The following ANKRD6 variants were observed in gnomAD, a reference collection of about 807,000 sequenced individuals.
The protein encoded by ANKRD6 is ankyrin repeat domain-containing protein 6.
In ANKRD6, 56 loss-of-function variants were observed where a neutral mutation model predicts 82.3. That is an observed-to-expected ratio of 0.68 (90% CI 0.55 to 0.85). The LOEUF (loss-of-function observed/expected upper bound fraction) is 0.85, where lower values mean the gene tolerates loss of function less well. ANKRD6 is among the 40% of genes least tolerant of loss of function. The pLI, the probability that ANKRD6 is intolerant of heterozygous loss-of-function variation, is 0.00. For synonymous variants in ANKRD6, 347 were observed against 352.1 expected, an observed-to-expected ratio of 0.99 and a Z score of 0.16; for missense variants, 852 against 907.6, an observed-to-expected ratio of 0.94 and a Z score of 0.79.
At chr6:89,596,125 A>G in intron 3 of ANKRD6, 111 bp downstream of exon 3, 1 of 904,536 alleles carries the variant, frequency 1.1e-6, no homozygotes, top group South Asian at 1.5e-5. Context: ...CTCTCGCAGC[A>G]CATTTTAGCT....
At position 89,567,037 on chromosome 6, in the gene ANKRD6, G is replaced by A. The variant is rs768903490; in HGVS notation, c.61G>A (p.Gly21Ser). 1 of 1,607,616 alleles carries A rather than the reference G, an allele frequency of 6.2e-7. No homozygotes were observed. Residue 21 changes from glycine (G) to serine (S), a missense_variant, in exon 2 of 16, where the codon GGC becomes AGC. Coordinates refer to ENST00000339746, the MANE Select transcript of ANKRD6 (RefSeq NM_001242809.2). The stretch of plus-strand genomic sequence containing the variant: ...GCGCCTTCTCGTAGCTGCGTACAAA[G>A]GCCAAACAGAGAATGTGGTTCAGCT... ...SERLLVAAYK[G>S]QTENVVQLIN...
chr6:89,614,010 C>A, intron 7 of ANKRD6, 120 bp downstream of exon 7: 1 of 967,126 alleles, frequency 1.0e-6, no homozygotes, highest in Non-Finnish European at 1.5e-6. Flanking sequence ...CTACCTGGGA[C>A]TCAGCCAGCA....
At chr6:89,553,875 G>T (rs920345006) in intron 1 of ANKRD6, among the ~76,000 whole-genome samples, 1 of 152,202 alleles carries the variant, frequency 6.6e-6, no homozygotes, top group Admixed American at 6.5e-5. Flanking sequence ...ATTGTATGAA[G>T]GATATGTAGC....
At chr6:89,484,705 T>G (rs1777174521) in intron 1 of ANKRD6, among the ~76,000 whole-genome samples, 1 of 152,244 alleles carries the variant, frequency 6.6e-6, no homozygotes, top group East Asian at 1.9e-4. Context: ...AATAGAATTA[T>G]GTTTACATTC....
At chr6:89,498,528 T>A (rs6454757) in intron 1 of ANKRD6, among the ~76,000 whole-genome samples, 47,163 of 149,338 alleles carry the variant, frequency 0.32, 8,247 homozygotes, top group South Asian at 0.49. Context: ...ATATATATAT[T>A]TTTTTTTACC....
At chr6:89,459,164 C>T (rs977510875) in intron 1 of ANKRD6, among the ~76,000 whole-genome samples, 2 of 152,068 alleles carry the variant, frequency 1.3e-5, no homozygotes, top group African/African-American at 4.8e-5. Context: ...CTGCAACCTC[C>T]GTCTCCTGGG....
At chr6:89,487,072 G>A (rs144235289) in intron 1 of ANKRD6, among the ~76,000 whole-genome samples, 2 of 152,260 alleles carry the variant, frequency 1.3e-5, no homozygotes, top group East Asian at 3.9e-4. Context: ...TGGACCCTGT[G>A]GGTTCATACC....
rs769317978 is a variant in ANKRD6 at position 89,632,964 on chromosome 6, A to T, written c.*1960A>T. The T allele has an allele frequency of 1.5e-4, 23 of 152,236 alleles. No homozygotes were observed. The highest frequency in any genetic ancestry group is 3.2e-4 in the Non-Finnish European group (22 of 68,040). The allele number at this position is 152,236 out of a possible 1,614,324, so 9.4% of individuals were successfully genotyped here. ...TTCACTTACCAAAATATCTCCTATT[A>T]CCTCAAGGTATCCTTGTTGAGGAAT... On this transcript the variant is annotated 3_prime_UTR_variant, in exon 16 of 16. Transcript: ENST00000339746.
At chr6:89,602,859 A>G (rs1298602919) in intron 3 of ANKRD6, 170 bp from the exon 4 acceptor site, 1 of 575,334 alleles carries the variant, frequency 1.7e-6, no homozygotes, top group Non-Finnish European at 3.1e-6. Context: ...GTTGTCTACT[A>G]ACAAGACCAC....
chr6:89,517,121 T>C (rs1781327867), intron 1 of ANKRD6, among the ~76,000 whole-genome samples: 1 of 152,192 alleles, frequency 6.6e-6, no homozygotes, highest in African/African-American at 2.4e-5. Context: ...CCTCCTGCCT[T>C]GACCTCTCAA....
At chr6:89,496,283 T>G (rs921327926) in intron 1 of ANKRD6, among the ~76,000 whole-genome samples, 2 of 152,018 alleles carry the variant, frequency 1.3e-5, no homozygotes, top group Admixed American at 1.3e-4. Flanking sequence ...TGAGGTCTTC[T>G]AGGGTACGCC....
At chr6:89,533,174 C>T (rs552945388) in intron 1 of ANKRD6, among the ~76,000 whole-genome samples, 2 of 151,992 alleles carry the variant, frequency 1.3e-5, no homozygotes, top group African/African-American at 4.8e-5. Flanking sequence ...TGCTCCTGGC[C>T]GATTTTTTGT....
At chr6:89,563,922 T>C (rs942141101) in intron 1 of ANKRD6, among the ~76,000 whole-genome samples, 1 of 152,190 alleles carries the variant, frequency 6.6e-6, no homozygotes, top group East Asian at 1.9e-4. Context: ...GTATCTCTGC[T>C]GGGCCTGCAC....
At chr6:89,623,850 G>A (rs923050715) in intron 11 of ANKRD6, 22 bp from the exon 12 acceptor site, 4 of 1,604,574 alleles carry the variant, frequency 2.5e-6, no homozygotes, top group East Asian at 2.2e-5. Context: ...GTTCAGGGGT[G>A]TTGTCTCTTC....
At chr6:89,440,306 T>C (rs1202618772) in intron 1 of ANKRD6, among the ~76,000 whole-genome samples, 2 of 152,332 alleles carry the variant, frequency 1.3e-5, no homozygotes, top group African/African-American at 2.4e-5. Flanking sequence ...CTTCAGTCTT[T>C]AGCGATGGCG....
In ANKRD6 at chr6:89,559,929, G is replaced by A. The variant is rs190597769; in HGVS notation, c.-143-6905G>A. ...GGTGAGTACCTCATATATTTCTTAC[G>A]GGATCACAGGCTCCTGAAGACCAAT... On this transcript the variant is annotated intron_variant, in intron 1 of 15. Coordinates refer to ENST00000339746, the MANE Select transcript of ANKRD6 (RefSeq NM_001242809.2). Among the ~76,000 whole-genome samples the A allele has an allele frequency of 7.2e-5, 11 of 152,202 alleles. No homozygotes were observed. In the East Asian group the frequency reaches 9.7e-4, roughly 13 times the overall value.
intron 1 of ANKRD6, among the ~76,000 whole-genome samples, chr6:89,542,028 T>C (rs1309068273): frequency 6.6e-6 from 1 of 152,108 alleles, no homozygotes; most frequent in Non-Finnish European, 1.5e-5. Flanking sequence ...AATCTATGAA[T>C]AAAAAATTGG....
chr6:89,533,833 T>TA (rs1783497883), intron 1 of ANKRD6, among the ~76,000 whole-genome samples: 1 of 148,254 alleles, frequency 6.7e-6, no homozygotes, highest in Non-Finnish European at 1.5e-5. Context: ...GTCTTCCACT[T>TA]ACAGTGACTG....
At chr6:89,454,931 C>T (rs1773318143) in intron 1 of ANKRD6, among the ~76,000 whole-genome samples, 1 of 152,176 alleles carries the variant, frequency 6.6e-6, no homozygotes, top group Non-Finnish European at 1.5e-5. Context: ...ACCTCTGCTT[C>T]CTGGGTTCAA....
Sources: allele counts gnomAD v4.1 joint callset (sites outside exome capture counted in the v4.1 genomes callset), GRCh38; gene constraint gnomAD v4.1.1; transcripts MANE v1.5; gene names NCBI Gene and HGNC (gene_info 2026-07-23, HGNC 2026-07-21).